RUNX1T1: variants seen among roughly 807,000 people sequenced by gnomAD.
The protein encoded by RUNX1T1 is RUNX1 partner transcriptional co-repressor 1.
A neutral mutation model predicts 62.8 loss-of-function variants in RUNX1T1; 4 were observed. That is an observed-to-expected ratio of 0.06 (90% CI 0.03 to 0.15). The LOEUF is 0.15. RUNX1T1 is among the 10% of genes least tolerant of loss of function. The probability of loss-of-function intolerance (pLI) is 1.00; values close to 1 mark genes in which losing one functional copy is unlikely to be tolerated. For synonymous variants in RUNX1T1, 291 were observed against 286.0 expected (o/e 1.02, Z -0.18); for missense variants, 508 against 754.3 (o/e 0.67, Z 3.82).
chr8:92,023,797 C>T (rs1426992589), intron 1 of RUNX1T1, among the ~76,000 whole-genome samples: 1 of 152,190 alleles, frequency 6.6e-6, no homozygotes, highest in African/African-American at 2.4e-5. Context: ...AATCTCATAA[C>T]TACCTTGGGA....
At chr8:92,097,601 T>C (rs1358271607) in intron 1 of RUNX1T1, among the ~76,000 whole-genome samples, 1 of 152,230 alleles carries the variant, frequency 6.6e-6, no homozygotes, top group Non-Finnish European at 1.5e-5. Context: ...CATGCTCTTT[T>C]AAGAAATGCT....
At chr8:91,988,322 T>C (rs1816984960) in intron 6 of RUNX1T1, among the ~76,000 whole-genome samples, 1 of 152,114 alleles carries the variant, frequency 6.6e-6, no homozygotes, top group Non-Finnish European at 1.5e-5. Flanking sequence ...TTCTGAGATA[T>C]ATTTTAAAAG....
chr8:92,057,867 A>G (rs768347989), intron 1 of RUNX1T1, among the ~76,000 whole-genome samples: 6 of 152,270 alleles, frequency 3.9e-5, no homozygotes, highest in Non-Finnish European at 7.4e-5. Context: ...CTTTCAAGAA[A>G]TACTACACCC....
chr8:92,025,113 C>T (rs1824887812), intron 1 of RUNX1T1, among the ~76,000 whole-genome samples: 1 of 152,284 alleles, frequency 6.6e-6, no homozygotes, highest in Middle Eastern at 3.4e-3. Flanking sequence ...ATTTCTACAA[C>T]CTGAATCATC....
chr8:91,985,963 C>G (rs1816470630), intron 8 of RUNX1T1, among the ~76,000 whole-genome samples, 161 bp downstream of exon 9: 1 of 152,092 alleles, frequency 6.6e-6, no homozygotes, highest in Non-Finnish European at 1.5e-5. Flanking sequence ...GCCAATCTGC[C>G]CAAATTCCTA....
chr8:91,967,097 A>G (rs1428362237), intron 10 of RUNX1T1, among the ~76,000 whole-genome samples: 1 of 152,228 alleles, frequency 6.6e-6, no homozygotes, highest in Non-Finnish European at 1.5e-5. Flanking sequence ...AAATGAGGAA[A>G]GTAACACTAC....
chr8:91,992,381 T>C (rs950021054), intron 5 of RUNX1T1, among the ~76,000 whole-genome samples: 1 of 152,184 alleles, frequency 6.6e-6, no homozygotes, highest in Admixed American at 6.5e-5. Flanking sequence ...AGTAGCTACA[T>C]GTGGTTGTTT....
At chr8:92,063,008 A>C (rs973942147), upstream of RUNX1T1, 104 of 1,099,652 alleles carry the variant, frequency 9.5e-5, no homozygotes, top group South Asian at 3.6e-4. Context: ...TTTTGCCAAA[A>C]GATAGAAATG....
intron 1 of RUNX1T1, among the ~76,000 whole-genome samples, chr8:92,083,112 G>C (rs1835537939): frequency 6.6e-6 from 1 of 152,152 alleles, no homozygotes; most frequent in African/African-American, 2.4e-5. Flanking sequence ...GCCCATTTAT[G>C]AACTTCAGGG....
chr8:92,077,952 C>G (rs1834679841), intron 1 of RUNX1T1, among the ~76,000 whole-genome samples: 1 of 152,086 alleles, frequency 6.6e-6, no homozygotes, highest in Non-Finnish European at 1.5e-5. Context: ...TTGGAATATA[C>G]TGCTTTACTT....
chr8:91,981,111 C>T (rs1164573534), intron 8 of RUNX1T1, among the ~76,000 whole-genome samples: 3 of 152,078 alleles, frequency 2.0e-5, no homozygotes, highest in African/African-American at 7.3e-5. Context: ...ATTACCATCC[C>T]CATTTTACAC....
At chr8:91,990,812 C>A (rs1030776232) in intron 6 of RUNX1T1, among the ~76,000 whole-genome samples, 11 of 152,036 alleles carry the variant, frequency 7.2e-5, no homozygotes, top group African/African-American at 2.4e-4. Flanking sequence ...CATGCACCAC[C>A]ATGCCCGGCT....
chr8:92,091,245 C>A (rs1401122572), intron 1 of RUNX1T1, among the ~76,000 whole-genome samples: 1 of 152,186 alleles, frequency 6.6e-6, no homozygotes. Flanking sequence ...CGATATGAAA[C>A]CGACCAAAAC....
intron 10 of RUNX1T1, among the ~76,000 whole-genome samples, chr8:91,969,877 T>C (rs1361010719): frequency 2.0e-5 from 3 of 152,184 alleles, no homozygotes. Context: ...CTAAAGTTAC[T>C]CTGGGGTTAA....
chr8:91,981,461 C>A (rs563684209), intron 8 of RUNX1T1, among the ~76,000 whole-genome samples: 2 of 120,960 alleles, frequency 1.7e-5, no homozygotes, highest in South Asian at 5.5e-4. Context: ...GTCCTCCAGG[C>A]TGGAGTACAG....
intron 3 of RUNX1T1, among the ~76,000 whole-genome samples, chr8:92,013,589 G>A (rs1002493427): frequency 3.3e-5 from 5 of 152,122 alleles, no homozygotes; most frequent in Admixed American, 2.0e-4. Context: ...CTGCATATAC[G>A]ATTCATAGCT....
chr8:91,991,578 T>C, intron 6 of RUNX1T1, 61 bp downstream of exon 7: 33 of 1,521,312 alleles, frequency 2.2e-5, no homozygotes, highest in Non-Finnish European at 3.0e-5. Context: ...AGTTCAGAAA[T>C]AATGGTGCAA....
chr8:92,002,113 G>A (rs866850996), intron 5 of RUNX1T1, among the ~76,000 whole-genome samples: 10 of 151,962 alleles, frequency 6.6e-5, no homozygotes, highest in Non-Finnish European at 4.4e-5. Flanking sequence ...TATAAATGAC[G>A]TTTACATATT....
chr8:91,994,639 G>A (rs1459103398), intron 5 of RUNX1T1: 1 of 502,310 alleles, frequency 2.0e-6, no homozygotes, highest in African/African-American at 1.9e-5. Flanking sequence ...AAATGAAAGG[G>A]TTGGACTAGA....
Sources: gnomAD v4.1 joint callset for allele counts (sites outside exome capture counted in the v4.1 genomes callset) on GRCh38, gnomAD v4.1.1 for gene constraint, MANE v1.5 for transcripts, NCBI Gene and HGNC (gene_info 2026-07-23, HGNC 2026-07-21) for gene names.